CNTNAP5: variants seen among roughly 807,000 people sequenced by gnomAD.
The protein encoded by CNTNAP5 is contactin associated protein family member 5, also known as contactin-associated protein-like 5.
Under a neutral mutation model 150.2 loss-of-function variants are expected in CNTNAP5, and 72 were observed. That is an observed-to-expected ratio of 0.48 (90% CI 0.40 to 0.58). The LOEUF is 0.58. Among genes scored for constraint, CNTNAP5 ranks in the 20% least tolerant of loss-of-function variants. CNTNAP5 has a pLI of 0.00. For missense variants in CNTNAP5, 1,636 were observed against 1,626.2 expected (o/e 1.01, Z -0.10); for synonymous variants, 672 against 619.8 (o/e 1.08, Z -1.25).
At chr2:124,280,765 T>TA (rs143861732) in intron 3 of CNTNAP5, among the ~76,000 whole-genome samples, 4,923 of 148,908 alleles carry the variant, frequency 0.033, 237 homozygotes, top group African/African-American at 0.11. Context: ...CCCAGTTCTC[T>TA]AAAAAAAAAA....
At chr2:124,825,637 A>G (rs1296948072) in intron 19 of CNTNAP5, among the ~76,000 whole-genome samples, 1 of 152,152 alleles carries the variant, frequency 6.6e-6, no homozygotes, top group Non-Finnish European at 1.5e-5. Flanking sequence ...TTGAAATGGG[A>G]AACACTTGTG....
chr2:124,378,250 C>T (rs771419014), intron 3 of CNTNAP5, among the ~76,000 whole-genome samples: 137 of 151,546 alleles, frequency 9.0e-4, no homozygotes, highest in Non-Finnish European at 1.1e-3. Context: ...TGGAATCAAC[C>T]GTATGTAATT....
chr2:124,362,433 C>G (rs752564599), intron 3 of CNTNAP5, among the ~76,000 whole-genome samples: 18 of 152,220 alleles, frequency 1.2e-4, no homozygotes, highest in Non-Finnish European at 2.2e-4. Flanking sequence ...TCCTATCTCA[C>G]TGTCTAGCAT....
Position 124,677,991 on chromosome 2 carries a change from T to C in CNTNAP5, c.2077+30033T>C, listed in dbSNP as rs556987162. On this transcript the variant is annotated intron_variant, in intron 13 of 23. Transcript: ENST00000682447. The stretch of plus-strand genomic sequence containing the variant: ...CCCCAAGAATTCTGCGTTGCAGTTT[T>C]TATCATGTTGGGCGTTTCTTTAAGT... Among the ~76,000 whole-genome samples the C allele has an allele frequency of 5.9e-5, 9 of 152,092 alleles. No individual in the cohort carries two copies. The South Asian group carries it at 1.9e-3, about 32-fold the overall frequency.
chr2:124,292,428 G>T (rs11123033), intron 3 of CNTNAP5, among the ~76,000 whole-genome samples: 50,106 of 151,900 alleles, frequency 0.33, 8,440 homozygotes, highest in South Asian at 0.51. Context: ...TGGACACTCA[G>T]ATATGTACAA....
In CNTNAP5 at chr2:124,079,931, G is replaced by A. The variant is rs528301556; in HGVS notation, c.82+54199G>A. On this transcript the variant is annotated intron_variant, in intron 1 of 23. Transcript: ENST00000682447. ...CCATAAAACATGGCTAACCTCAAGG[G>A]CTGTTGAAGAATAAATGAATTGCTA... is the stretch of plus-strand genomic sequence containing the variant. Among the ~76,000 whole-genome samples the A allele has an allele frequency of 3.3e-5, 5 of 152,282 alleles. No individual in the cohort carries two copies. In the South Asian group the frequency reaches 1.0e-3, roughly 32 times the overall value.
intron 11 of CNTNAP5, among the ~76,000 whole-genome samples, chr2:124,565,343 T>C (rs1349605219): frequency 6.6e-6 from 1 of 152,170 alleles, no homozygotes; most frequent in Non-Finnish European, 1.5e-5. Context: ...AGAGTATCAT[T>C]GGATTGTTCA....
chr2:124,884,173 T>G (rs1678031909), intron 21 of CNTNAP5, among the ~76,000 whole-genome samples: 1 of 152,112 alleles, frequency 6.6e-6, no homozygotes. Context: ...CATGTCTGTA[T>G]GCATGCACAT....
At chr2:124,889,038 C>T (rs546315545) in intron 21 of CNTNAP5, among the ~76,000 whole-genome samples, 1 of 142,742 alleles carries the variant, frequency 7.0e-6, no homozygotes, top group African/African-American at 2.6e-5. Flanking sequence ...AAATGGTGTT[C>T]CTAGCTTTTC....
At chr2:124,652,935 G>C (rs1678353309) in intron 13 of CNTNAP5, among the ~76,000 whole-genome samples, 1 of 152,202 alleles carries the variant, frequency 6.6e-6, no homozygotes, top group Non-Finnish European at 1.5e-5. Context: ...TGGAAATTCA[G>C]ACTCCATTAC....
At chr2:124,681,254 A>T (rs1013735405) in intron 13 of CNTNAP5, among the ~76,000 whole-genome samples, 3 of 149,200 alleles carry the variant, frequency 2.0e-5, no homozygotes, top group African/African-American at 7.4e-5. Flanking sequence ...GTGAGCTGAG[A>T]TCGAGCCACT....
At chr2:124,288,621 G>A (rs892979364) in intron 3 of CNTNAP5, among the ~76,000 whole-genome samples, 1 of 152,012 alleles carries the variant, frequency 6.6e-6, no homozygotes, top group Non-Finnish European at 1.5e-5. Context: ...ATAAAAAATG[G>A]AACTCATGAT....
chr2:124,761,404 A>C (rs1436578409), intron 14 of CNTNAP5, among the ~76,000 whole-genome samples: 1 of 152,270 alleles, frequency 6.6e-6, no homozygotes, highest in African/African-American at 2.4e-5. Context: ...TTATTGGTCC[A>C]GTCAGTGTGG....
chr2:124,761,954 T>C (rs934024795), intron 14 of CNTNAP5, among the ~76,000 whole-genome samples: 1 of 152,072 alleles, frequency 6.6e-6, no homozygotes, highest in African/African-American at 2.4e-5. Context: ...GGGCAGACTT[T>C]AGAAACTACC....
chr2:124,888,866 C>T (rs2104745808), intron 21 of CNTNAP5, among the ~76,000 whole-genome samples: 1 of 152,018 alleles, frequency 6.6e-6, no homozygotes, highest in African/African-American at 2.4e-5. Flanking sequence ...GCATAGTTTG[C>T]ACATATTTTC....
At chr2:124,546,747 C>A (rs1395530003) in intron 10 of CNTNAP5, among the ~76,000 whole-genome samples, 1 of 152,124 alleles carries the variant, frequency 6.6e-6, no homozygotes, top group Non-Finnish European at 1.5e-5. Context: ...GCCTCTTTTT[C>A]CTTCTAGTAT....
At chr2:124,282,943 GT>G (rs1204762263) in intron 3 of CNTNAP5, among the ~76,000 whole-genome samples, 1 of 150,876 alleles carries the variant, frequency 6.6e-6, no homozygotes, top group Non-Finnish European at 1.5e-5. Flanking sequence ...TTAAACAGAT[GT>G]TTGCAGAGTT....
chr2:124,121,847 C>T (rs532580190), intron 1 of CNTNAP5, among the ~76,000 whole-genome samples: 2 of 152,268 alleles, frequency 1.3e-5, no homozygotes, highest in Admixed American at 6.5e-5. Flanking sequence ...AACAATTTAG[C>T]ACTTAACGCT....
At chr2:124,579,309 T>C (rs1696360269) in intron 11 of CNTNAP5, among the ~76,000 whole-genome samples, 2 of 152,208 alleles carry the variant, frequency 1.3e-5, no homozygotes, top group Non-Finnish European at 2.9e-5. Context: ...TTACACAAAA[T>C]ATTTTATATT....
Sources: allele counts gnomAD v4.1 joint callset (sites outside exome capture counted in the v4.1 genomes callset), GRCh38; gene constraint gnomAD v4.1.1; transcripts MANE v1.5; gene names NCBI Gene and HGNC (gene_info 2026-07-23, HGNC 2026-07-21).